Variants in PGM1 observed in about 807,000 individuals in gnomAD.
The protein encoded by PGM1 is phosphoglucomutase-1.
In PGM1, 52 loss-of-function variants were observed where a neutral mutation model predicts 55.6. The observed-to-expected ratio is 0.94, with a 90% confidence interval of 0.75 to 1.18. PGM1 has a LOEUF of 1.18. Ranked by LOEUF, PGM1 falls within the 50% of genes most tolerant of loss-of-function variation. PGM1 has a pLI of 0.00. For synonymous variants in PGM1, 287 were observed against 271.7 expected (o/e 1.06, Z -0.55); for missense variants, 724 against 729.3 (o/e 0.99, Z 0.08).
At chr1:63,646,521 A>G (rs1336677617) in intron 7 of PGM1, among the ~76,000 whole-genome samples, 1 of 152,144 alleles carries the variant, frequency 6.6e-6, no homozygotes, top group Non-Finnish European at 1.5e-5. Context: ...CCAAACCTTA[A>G]TGGTTAAAGA....
Position 63,647,259 on chromosome 1 carries a change from CATATATATATAT to C in PGM1, c.1145-1220_1145-1209del, listed in dbSNP as rs55760196. On this transcript the variant is annotated intron_variant, in intron 7 of 10. Coordinates refer to ENST00000371084, the MANE Select transcript of PGM1 (RefSeq NM_002633.3). ...CTCCGTCTCAAAAAATAAAATTTTA[CATATATATATAT>C]ATATATATATATATATATATATATA... Among the ~76,000 whole-genome samples the C allele has an allele frequency of 5.7e-3, 317 of 55,346 alleles. 5 individuals are homozygous for C. The highest frequency in any genetic ancestry group is 0.013 in the Middle Eastern group (1 of 80). The allele number at this position is 55,346 out of a possible 152,430, so 36.3% of individuals were successfully genotyped here. A position where few individuals can be genotyped will look rare whatever the true frequency, so the allele number is the denominator to read the frequency against.
intron 3 of PGM1, among the ~76,000 whole-genome samples, chr1:63,631,414 A>C (rs1649189685): frequency 6.6e-6 from 1 of 152,216 alleles, no homozygotes; most frequent in Admixed American, 6.5e-5. Context: ...TCACACGTCG[A>C]GTTTCCTCAT....
chr1:63,626,854 A>G (rs1206930716), intron 1 of PGM1, among the ~76,000 whole-genome samples: 5 of 152,130 alleles, frequency 3.3e-5, no homozygotes, highest in African/African-American at 4.8e-5. Context: ...GTCTGTGTCC[A>G]TTGAACAACT....
intron 7 of PGM1, among the ~76,000 whole-genome samples, chr1:63,639,407 C>T (rs902002161): frequency 1.3e-5 from 2 of 151,830 alleles, no homozygotes; most frequent in African/African-American, 4.8e-5. Context: ...GGGGATGACC[C>T]CAGACCTATA....
intron 9 of PGM1, 78 bp downstream of exon 9, chr1:63,651,930 G>C (rs932523885): frequency 2.2e-6 from 3 of 1,343,604 alleles, no homozygotes; most frequent in Non-Finnish European, 3.2e-6. Context: ...AAATTAAAAA[G>C]TTCCTGTTGG....
At chr1:63,635,209 A>C (rs965478187) in intron 5 of PGM1, among the ~76,000 whole-genome samples, 190 bp downstream of exon 5, 1 of 152,188 alleles carries the variant, frequency 6.6e-6, no homozygotes, top group African/African-American at 2.4e-5. Context: ...AATGAAACCC[A>C]CACATTTAAT....
At chr1:63,633,927 TATA>T (rs1557433727) in intron 4 of PGM1, among the ~76,000 whole-genome samples, 3 of 107,164 alleles carry the variant, frequency 2.8e-5, no homozygotes, top group African/African-American at 1.5e-4. Context: ...TGTATATATA[TATA>T]TATTTTTTTT....
chr1:63,620,428 T>C (rs1479246808), intron 1 of PGM1, among the ~76,000 whole-genome samples: 3 of 152,206 alleles, frequency 2.0e-5, no homozygotes, highest in Non-Finnish European at 4.4e-5. Context: ...TCTGCCTTTC[T>C]TTCTAGTGCT....
At chr1:63,651,574 G>A in intron 8 of PGM1, 95 bp from the exon 9 acceptor site, 1 of 1,177,380 alleles carries the variant, frequency 8.5e-7, no homozygotes, top group Non-Finnish European at 1.2e-6. Flanking sequence ...TAGTTTTGCG[G>A]GAGGGCCAAA....
chr1:63,618,075 T>A (rs577550793), intron 1 of PGM1, among the ~76,000 whole-genome samples: 6 of 152,332 alleles, frequency 3.9e-5, no homozygotes, highest in African/African-American at 1.4e-4. Context: ...CAGAACTATC[T>A]GTAAATTGCT....
At chr1:63,634,190 C>T (rs1186455536) in intron 4 of PGM1, among the ~76,000 whole-genome samples, 3 of 151,772 alleles carry the variant, frequency 2.0e-5, no homozygotes, top group Non-Finnish European at 4.4e-5. Context: ...GGGCAAATGT[C>T]TTTACCTCAG....
chr1:63,605,257 CTT>C (rs1447915003), intron 1 of PGM1, among the ~76,000 whole-genome samples: 1 of 152,146 alleles, frequency 6.6e-6, no homozygotes, highest in African/African-American at 2.4e-5. Context: ...GCAGGGGTGA[CTT>C]TTGCAGGCCA....
intron 1 of PGM1, chr1:63,594,025 AGCCG>A: frequency 9.0e-7 from 1 of 1,116,188 alleles, no homozygotes; most frequent in South Asian, 3.9e-5. Flanking sequence ...CTCCGTCTCT[AGCCG>A]CTGCCTTCCC....
chr1:63,631,862 C>A, intron 4 of PGM1, 80 bp downstream of exon 4: 1 of 1,334,508 alleles, frequency 7.5e-7, no homozygotes, highest in Non-Finnish European at 1.1e-6. Context: ...GATGCTTCAA[C>A]AAGCCTTTTC....
intron 1 of PGM1, among the ~76,000 whole-genome samples, chr1:63,616,919 C>T (rs1218591837): frequency 6.6e-6 from 1 of 152,158 alleles, no homozygotes; most frequent in Non-Finnish European, 1.5e-5. Flanking sequence ...GGGTATGAAA[C>T]ACGCCTGCTT....
intron 1 of PGM1, among the ~76,000 whole-genome samples, chr1:63,604,959 G>GTGTGTGTT (rs58900430): frequency 0.052 from 6,959 of 134,182 alleles, 292 homozygotes; most frequent in African/African-American, 0.11. Flanking sequence ...GTGTGTGTGT[G>GTGTGTGTT]TAAAGAGAGG....
At position 63,636,387 on chromosome 1, in the gene PGM1, C is replaced by T. The variant is rs577589562; in HGVS notation, c.1027C>T (p.Arg343Trp). The T allele has an allele frequency of 2.0e-4, 319 of 1,613,882 alleles. 5 individuals carry two copies. The South Asian group carries it at 3.3e-3, about 17-fold the overall frequency. The change falls in exon 6 of 11, where the codon CGG (arginine) becomes TGG (tryptophan). Residue 343 changes from arginine to tryptophan, a missense_variant and splice_region_variant. Coordinates refer to ENST00000371084, the MANE Select transcript of PGM1 (RefSeq NM_002633.3). ...CATGCCCACGAGTGGTGCTCTGGAC[C>T]GGTAGGTGTCTCCATTCCCTTGGCC... The part of the protein sequence containing the change: ...RSMPTSGALD[R>W]VASATKIALY...
At chr1:63,606,683 G>A (rs531667532) in intron 1 of PGM1, among the ~76,000 whole-genome samples, 1 of 152,230 alleles carries the variant, frequency 6.6e-6, no homozygotes, top group Admixed American at 6.5e-5. Context: ...TATTCTGGGT[G>A]TCATCTGTCA....
intron 7 of PGM1, among the ~76,000 whole-genome samples, chr1:63,641,613 C>T (rs2269247): frequency 0.2 from 30,903 of 152,104 alleles, 3,476 homozygotes; most frequent in Admixed American, 0.32. Flanking sequence ...GACAATTTCT[C>T]AAAAACGTTT....
Sources: gnomAD v4.1 joint callset for allele counts (sites outside exome capture counted in the v4.1 genomes callset) on GRCh38, gnomAD v4.1.1 for gene constraint, MANE v1.5 for transcripts, NCBI Gene and HGNC (gene_info 2026-07-23, HGNC 2026-07-21) for gene names.